Variants in ROGDI observed in about 807,000 individuals in gnomAD.
ROGDI encodes rogdi atypical leucine zipper.
Under a neutral mutation model 43.1 loss-of-function variants are expected in ROGDI, and 46 were observed. The observed-to-expected ratio is 1.07, with a 90% confidence interval of 0.84 to 1.37. ROGDI has a LOEUF of 1.37. Among genes scored for constraint, ROGDI ranks in the 40% most tolerant of loss-of-function variants. The pLI, the probability that ROGDI is intolerant of heterozygous loss-of-function variation, is 0.00. For missense variants in ROGDI, 518 were observed against 383.9 expected, an observed-to-expected ratio of 1.35 and a Z score of -2.92; for synonymous variants, 243 against 162.0, an observed-to-expected ratio of 1.50 and a Z score of -3.80.
chr16:4,801,384 C>T (rs74005389), intron 3 of ROGDI, 63 bp from the exon 4 acceptor site: 7 of 1,563,212 alleles, frequency 4.5e-6, no homozygotes, highest in African/African-American at 2.7e-5. Context: ...CCCTCCCTCC[C>T]GGCGGGCTGC....
chr16:4,799,602 G>A (rs1036983496), intron 6 of ROGDI, 84 bp downstream of exon 6: 6 of 983,490 alleles, frequency 6.1e-6, no homozygotes, highest in Non-Finnish European at 9.4e-6. Context: ...GCTCAACGTG[G>A]AGGCCCTGGG....
intron 2 of ROGDI, 120 bp downstream of exon 2, chr16:4,802,262 G>T: frequency 2.1e-6 from 2 of 953,012 alleles, no homozygotes; most frequent in Non-Finnish European, 3.2e-6. Context: ...GGCCCTGCCT[G>T]AAAGCCGCGG....
At position 4,798,583 on chromosome 16, in the gene ROGDI, C is replaced by A. The variant is rs544047205; in HGVS notation, c.517G>T (p.Ala173Ser). ...GGGGCACTGACCGTGAGGCCGCTGG[C>A]GGCGATCTCGGGGAGGGTGAGGGTG... ...PATLTLPEIA[A>S]SGLTRMFAPA... is the part of the protein sequence containing the mutation. Residue 173 changes from alanine (A) to serine (S), a missense_variant, in exon 7 of 11, where the codon GCC (alanine) becomes TCC (serine). Physicochemically the swap from Ala to Ser is moderately conservative, Grantham distance 99. Transcript: ENST00000322048. The A allele has an allele frequency of 6.4e-7, 1 of 1,562,262 alleles. No homozygotes were observed. The highest frequency in any genetic ancestry group is 1.3e-5 in the African/African-American group (1 of 74,598).
intron 3 of ROGDI, 45 bp downstream of exon 3, chr16:4,801,458 C>T: frequency 1.3e-6 from 2 of 1,578,260 alleles, no homozygotes; most frequent in Non-Finnish European, 1.7e-6. Flanking sequence ...GCCTCCTACC[C>T]CCCAAGGTAC....
rs2082670531 is a variant in ROGDI, at chr16:4,797,802, T to C, written c.734A>G (p.His245Arg). 6.2e-7 allele frequency: 1 copy of C among 1,613,172 alleles called. No individual in the cohort carries two copies. The highest frequency in any genetic ancestry group is 8.5e-7 in the Non-Finnish European group (1 of 1,179,954). ...GSQRLEVSHV[H>R]KVECVIPWLN... ...CCAGGGGATCACGCACTCCACTTTG[T>C]GCACGTGGCTCACCTCCAGGCGCTG... is the stretch of plus-strand genomic sequence containing the variant. Residue 245 changes from histidine (H) to arginine (R), a missense_variant, in exon 10 of 11, where the codon CAC (histidine) becomes CGC (arginine). His to Arg is a conservative substitution (Grantham distance 29, BLOSUM62 0). Transcript: ENST00000322048.
At chr16:4,800,710 G>A (rs375818418) in intron 4 of ROGDI, 132 bp from the exon 5 acceptor site, 7 of 700,688 alleles carry the variant, frequency 1.0e-5, no homozygotes, top group South Asian at 6.9e-5. Context: ...AGGGCAGAGG[G>A]TCTCCCAATG....
chr16:4,798,814 G>C lies in ROGDI; in HGVS notation c.433-147C>G. 4.5e-6 allele frequency: 3 copies of C among 660,402 alleles called. No homozygotes were observed. In the South Asian group the frequency reaches 5.4e-5, roughly 12 times the overall value. The allele number at this position is 660,402 out of a possible 1,614,324, so 40.9% of individuals were successfully genotyped here. On this transcript the variant is annotated intron_variant, in intron 6 of 10. Transcript: ENST00000322048. ...CGGCAGCAGGGACCTGTTAAAGACAGGTAGTTGGGCTCCAGCTGGGTATGG... is the reference window on the plus strand; with the variant it reads ...CGGCAGCAGGGACCTGTTAAAGACACGTAGTTGGGCTCCAGCTGGGTATGG...
intron 9 of ROGDI, 43 bp downstream of exon 9, chr16:4,797,895 G>C (rs761844350): frequency 1.1e-5 from 17 of 1,603,284 alleles, no homozygotes; most frequent in Middle Eastern, 1.7e-4. Context: ...GGTGTGGAGG[G>C]ATGGGGTGGG....
At chr16:4,799,664 G>C (rs375684561) in intron 6 of ROGDI, 22 bp downstream of exon 6, 2 of 1,587,742 alleles carry the variant, frequency 1.3e-6, no homozygotes, top group Non-Finnish European at 1.7e-6. Context: ...AGGCCCAGGA[G>C]TCAGGCCCGG....
Position 4,797,395 on chromosome 16 carries a change from C to A in ROGDI, c.*65G>T. 6.7e-7 allele frequency: 1 copy of A among 1,486,374 alleles called. No homozygotes were observed. Among genetic ancestry groups the A allele is most frequent in the Non-Finnish European group, 9.3e-7 (1 of 1,080,966 alleles). 92.1% of individuals were successfully genotyped at this position (1,486,374 alleles called of 1,614,324 possible). A position where few individuals can be genotyped will look rare whatever the true frequency, so the allele number is the denominator to read the frequency against. On this transcript the variant is annotated 3_prime_UTR_variant, in exon 11 of 11. Coordinates refer to ENST00000322048, the MANE Select transcript of ROGDI (RefSeq NM_024589.3). ...AGCCTGGCGTTGGCACTGGCTGGTG[C>A]TCTGTGGTGGGTATGAGTAGGGGAC...
intron 2 of ROGDI, chr16:4,801,984 C>G (rs2082731419): frequency 1.7e-6 from 1 of 579,124 alleles, no homozygotes; most frequent in Non-Finnish European, 3.3e-6. Flanking sequence ...TTATCTACAC[C>G]CCAGCCTCGC....
At chr16:4,800,765 A>G in intron 4 of ROGDI, 187 bp from the exon 5 acceptor site, 2 of 591,096 alleles carry the variant, frequency 3.4e-6, no homozygotes, top group Non-Finnish European at 6.0e-6. Flanking sequence ...GAAACAGGAA[A>G]CCAGGCCCAA....
chr16:4,799,631 T>C lies in ROGDI; in HGVS notation c.432+55A>G, dbSNP rs959734124. On this transcript the variant is annotated intron_variant, in intron 6 of 10. Coordinates refer to ENST00000322048, the MANE Select transcript of ROGDI (RefSeq NM_024589.3). ...CCCTGGGATTGGAACCCAGGTGTGA[T>C]TCCGGATCAAGAACGTGGGACTAGG... The C allele has an allele frequency of 2.4e-5, 33 of 1,379,010 alleles. 1 individual carries two copies. The South Asian group carries it at 3.5e-4, about 15-fold the overall frequency. 85.4% of individuals were successfully genotyped at this position (1,379,010 alleles called of 1,614,324 possible). A position where few individuals can be genotyped will look rare whatever the true frequency, so the allele number is the denominator to read the frequency against.
intron 6 of ROGDI, among the ~76,000 whole-genome samples, chr16:4,799,470 A>G (rs7191123): frequency 6.6e-6 from 1 of 151,812 alleles, no homozygotes; most frequent in East Asian, 1.9e-4. Flanking sequence ...GTGTGTGCCG[A>G]GTGCTTACTG....
At chr16:4,799,630 A>AT in intron 6 of ROGDI, 56 bp downstream of exon 6, 1 of 1,369,256 alleles carries the variant, frequency 7.3e-7, no homozygotes, top group Non-Finnish European at 1.0e-6. Context: ...CCCAGGTGTG[A>AT]TTCCGGATCA....
chr16:4,798,254 G>C (rs577019256), intron 7 of ROGDI, 70 bp from the exon 8 acceptor site: 1 of 1,285,728 alleles, frequency 7.8e-7, no homozygotes, highest in South Asian at 1.2e-5. Flanking sequence ...GGGCTCTGCA[G>C]TCACTCATGG....
chr16:4,802,307 C>A, intron 2 of ROGDI, 75 bp downstream of exon 2: 2 of 1,341,442 alleles, frequency 1.5e-6, no homozygotes, highest in South Asian at 1.3e-5. Context: ...GACGCAGCCG[C>A]GCGGCCCCAG....
intron 7 of ROGDI, 86 bp from the exon 8 acceptor site, chr16:4,798,270 G>A: frequency 2.6e-6 from 3 of 1,136,348 alleles, no homozygotes; most frequent in Non-Finnish European, 3.9e-6. Context: ...CATGGAGTCT[G>A]CAGGGGATCC....
At chr16:4,800,315 C>A (rs1019857286) in intron 5 of ROGDI, among the ~76,000 whole-genome samples, 183 bp downstream of exon 5, 2 of 152,224 alleles carry the variant, frequency 1.3e-5, no homozygotes, top group Non-Finnish European at 2.9e-5. Context: ...TCTACCTCCC[C>A]ACATGGCGCA....
Sources: allele counts gnomAD v4.1 joint callset (sites outside exome capture counted in the v4.1 genomes callset), GRCh38; gene constraint gnomAD v4.1.1; transcripts MANE v1.5; gene names NCBI Gene and HGNC (gene_info 2026-07-23, HGNC 2026-07-21).